ARHGEF28: variants seen among roughly 807,000 people sequenced by gnomAD.
ARHGEF28 encodes 190 kDa guanine nucleotide exchange factor.
In ARHGEF28, 152 loss-of-function variants were observed where a neutral mutation model predicts 206.6. That is an observed-to-expected ratio of 0.74 (90% CI 0.64 to 0.84). The LOEUF (loss-of-function observed/expected upper bound fraction) is 0.84. Among genes scored for constraint, ARHGEF28 ranks in the 40% least tolerant of loss-of-function variants. The pLI is 0.00. For synonymous variants in ARHGEF28, 763 were observed against 776.4 expected (o/e 0.98, Z 0.29); for missense variants, 2,028 against 2,073.2 (o/e 0.98, Z 0.42).
intron 2 of ARHGEF28, among the ~76,000 whole-genome samples, chr5:73,691,911 A>G (rs904596129): frequency 6.6e-6 from 1 of 152,184 alleles, no homozygotes; most frequent in Non-Finnish European, 1.5e-5. Flanking sequence ...TTTCATCTCT[A>G]TGGGATAGAT....
intron 2 of ARHGEF28, among the ~76,000 whole-genome samples, chr5:73,709,296 A>T (rs1296850961): frequency 6.8e-6 from 1 of 146,870 alleles, no homozygotes; most frequent in Non-Finnish European, 1.5e-5. Context: ...GAACCATATA[A>T]AACACTTCCA....
chr5:73,843,582 G>T (rs1186583277), intron 11 of ARHGEF28, among the ~76,000 whole-genome samples: 1 of 152,170 alleles, frequency 6.6e-6, no homozygotes, highest in Non-Finnish European at 1.5e-5. Context: ...TAATGAAGGA[G>T]AAATTTGGGG....
chr5:73,776,770 A>G, intron 6 of ARHGEF28, 74 bp downstream of exon 6: 1 of 1,406,398 alleles, frequency 7.1e-7, no homozygotes, highest in Non-Finnish European at 9.5e-7. Flanking sequence ...TTATTATGAG[A>G]ACAGTGTTTT....
intron 1 of ARHGEF28, among the ~76,000 whole-genome samples, chr5:73,658,156 C>G (rs1745343139): frequency 6.7e-6 from 1 of 149,882 alleles, no homozygotes; most frequent in Admixed American, 6.7e-5. Context: ...AAAAAAAACT[C>G]AATTAACAAA....
At chr5:73,869,306 G>C (rs1759928419) in intron 20 of ARHGEF28, among the ~76,000 whole-genome samples, 1 of 151,852 alleles carries the variant, frequency 6.6e-6, no homozygotes, top group African/African-American at 2.4e-5. Context: ...TGTGACTCAA[G>C]TACTTAGACG....
chr5:73,937,547 G>GT lies in ARHGEF28; in HGVS notation c.4949-3290dup, dbSNP rs1334773233. On this transcript the variant is annotated intron_variant, in intron 35 of 35. Transcript: ENST00000513042. ...TTGTGTTGAGATACTTGGCTGAAATGTTTTTTTGTAGTTTGAGTTTTGTTT... is the reference window on the plus strand; with the variant it reads ...TTGTGTTGAGATACTTGGCTGAAATGTTTTTTTTGTAGTTTGAGTTTTGTTT... Among the ~76,000 whole-genome samples, 8 of 152,188 alleles carry GT rather than the reference G, an allele frequency of 5.3e-5. No individual in the cohort carries two copies. In the East Asian group the frequency reaches 1.5e-3, roughly 29 times the overall value.
At chr5:73,631,347 T>G (rs1369811104) in intron 1 of ARHGEF28, among the ~76,000 whole-genome samples, 7 of 152,214 alleles carry the variant, frequency 4.6e-5, no homozygotes, top group Non-Finnish European at 8.8e-5. Flanking sequence ...CAACAGTGCT[T>G]CTCCTTTTCT....
chr5:73,698,422 C>T (rs1748355897), intron 2 of ARHGEF28, among the ~76,000 whole-genome samples: 1 of 151,994 alleles, frequency 6.6e-6, no homozygotes, highest in African/African-American at 2.4e-5. Context: ...GGTGACCACC[C>T]CTGATTTGTA....
chr5:73,695,664 T>C (rs1387619484), intron 2 of ARHGEF28, among the ~76,000 whole-genome samples: 1 of 152,242 alleles, frequency 6.6e-6, no homozygotes, highest in Non-Finnish European at 1.5e-5. Context: ...TCCTCCAACC[T>C]TTGTCCTCTG....
chr5:73,669,876 AG>A (rs1746198833), intron 1 of ARHGEF28, among the ~76,000 whole-genome samples: 1 of 152,106 alleles, frequency 6.6e-6, no homozygotes, highest in Non-Finnish European at 1.5e-5. Flanking sequence ...TAGTAGAGAC[AG>A]GGTTTTGCCA....
intron 34 of ARHGEF28, 68 bp from the exon 35 acceptor site, chr5:73,911,207 A>G: frequency 7.2e-7 from 1 of 1,391,454 alleles, no homozygotes; most frequent in Non-Finnish European, 9.6e-7. Context: ...TCTCTCAGGA[A>G]TAAATACTTT....
At chr5:73,810,927 T>C (rs1378819593) in intron 9 of ARHGEF28, among the ~76,000 whole-genome samples, 2 of 152,232 alleles carry the variant, frequency 1.3e-5, no homozygotes, top group Non-Finnish European at 2.9e-5. Context: ...CTCTTTCCCA[T>C]AGCATCAGTC....
intron 22 of ARHGEF28, among the ~76,000 whole-genome samples, chr5:73,874,477 T>C: frequency 6.6e-6 from 1 of 151,664 alleles, no homozygotes; most frequent in East Asian, 1.9e-4. Flanking sequence ...TAGTTACATA[T>C]GTATACATGT....
intron 14 of ARHGEF28, among the ~76,000 whole-genome samples, chr5:73,854,415 C>T (rs1758889740): frequency 6.6e-6 from 1 of 152,188 alleles, no homozygotes; most frequent in South Asian, 2.1e-4. Flanking sequence ...TTACTGCCAC[C>T]ATCTGTCTTA....
rs376219724 is a variant in ARHGEF28 at position 73,752,987 on chromosome 5, G to T, written c.260G>T (p.Gly87Val). 6.8e-6 allele frequency: 11 copies of T among 1,613,572 alleles called. No individual in the cohort carries two copies. The highest frequency in any genetic ancestry group is 8.5e-7 in the Non-Finnish European group (1 of 1,179,770). Reference protein sequence around the residue: ...EGYSPVTMGSGSVTYVDNMAC... With the variant: ...EGYSPVTMGSVSVTYVDNMAC... ...TACTCTCCGGTGACCATGGGCTCTGGCTCAGTGACCTACGTGGACAACATG... is the reference window on the plus strand; with the variant it reads ...TACTCTCCGGTGACCATGGGCTCTGTCTCAGTGACCTACGTGGACAACATG... The change falls in exon 4 of 36, where the codon GGC (glycine) becomes GTC (valine). Residue 87 changes from glycine to valine, a missense_variant. Around this residue, in one of 3 missense-constraint regions of ARHGEF28, gnomAD observed 1,002 missense variants for 1,015.3 expected, o/e 0.99. Coordinates refer to ENST00000513042, the MANE Select transcript of ARHGEF28 (RefSeq NM_001177693.2).
At chr5:73,744,741 A>G (rs1161690210) in intron 2 of ARHGEF28, among the ~76,000 whole-genome samples, 1 of 152,068 alleles carries the variant, frequency 6.6e-6, no homozygotes, top group Non-Finnish European at 1.5e-5. Context: ...AAGGCTGTGT[A>G]TAATACTAGA....
chr5:73,880,936 C>CAAAAAAA (rs34087626), intron 22 of ARHGEF28, among the ~76,000 whole-genome samples: 1 of 148,256 alleles, frequency 6.7e-6, no homozygotes. Flanking sequence ...CACCCTGCCT[C>CAAAAAAA]AAAAAAAAAA....
At chr5:73,905,962 T>G (rs558598790) in intron 33 of ARHGEF28, among the ~76,000 whole-genome samples, 1 of 152,372 alleles carries the variant, frequency 6.6e-6, no homozygotes, top group South Asian at 2.1e-4. Context: ...CTCACTGGTT[T>G]ATTATTCATT....
chr5:73,779,923 CG>C, intron 6 of ARHGEF28, among the ~76,000 whole-genome samples: 1 of 152,292 alleles, frequency 6.6e-6, no homozygotes, highest in East Asian at 1.9e-4. Context: ...ACCCAATCCA[CG>C]GGGCTTAATG....
Sources: gnomAD v4.1 joint callset for allele counts (sites outside exome capture counted in the v4.1 genomes callset) on GRCh38, gnomAD v4.1.1 for gene constraint, gnomAD v4.1.1 regional missense constraint, MANE v1.5 for transcripts, NCBI Gene and HGNC (gene_info 2026-07-23, HGNC 2026-07-21) for gene names.